The following LMTK3 variants were observed in gnomAD, a reference collection of about 807,000 sequenced individuals.
LMTK3 encodes lemur tail kinase 3.
In LMTK3, 27 loss-of-function variants were observed where a neutral mutation model predicts 116.7. The ratio of observed to expected loss-of-function variants is 0.23; its 90% CI spans 0.17 to 0.32. The LOEUF is 0.32. Ranked by LOEUF, LMTK3 falls within the 10% of genes least tolerant of loss-of-function variation. LMTK3 has a pLI of 1.00. For missense variants in LMTK3, 1,764 were observed against 2,068.5 expected (o/e 0.85, Z 2.86); for synonymous variants, 965 against 971.0 (o/e 0.99, Z 0.11).
chr19:48,499,266 C>T lies in LMTK3; in HGVS notation c.1803G>A (p.Ala601=). 7.1e-7 allele frequency: 1 copy of T among 1,398,642 alleles called. No individual in the cohort carries two copies. The allele number at this position is 1,398,642 out of a possible 1,614,324, so 86.6% of individuals were successfully genotyped here. A position where few individuals can be genotyped will look rare whatever the true frequency, so the allele number is the denominator to read the frequency against. The change falls in exon 11 of 15, where the codon GCG becomes GCA. Residue 601 remains alanine (A), a synonymous_variant. Coordinates refer to ENST00000600059, the MANE Select transcript of LMTK3 (RefSeq NM_001388485.1). ...APRPFPAQSS[A]SGSFLLSGWD... ...AGCCGCTCAGCAGGAAGCTGCCTGA[C>T]GCTGAGGACTGGGCTGGGAAGGGCC... is the stretch of plus-strand genomic sequence containing the variant.
intron 11 of LMTK3, among the ~76,000 whole-genome samples, chr19:48,496,473 A>AC (rs1230815555): frequency 1.3e-5 from 2 of 151,832 alleles, no homozygotes; most frequent in Non-Finnish European, 2.9e-5. Context: ...TAATTTTTGT[A>AC]TTTTTAATAG....
chr19:48,505,081 TTCTCTCTC>T (rs59270444), intron 5 of LMTK3, among the ~76,000 whole-genome samples: 5 of 135,686 alleles, frequency 3.7e-5, no homozygotes, highest in African/African-American at 1.0e-4. Flanking sequence ...CTCTGACAGT[TTCTCTCTC>T]TCTCTCTCTC....
intron 3 of LMTK3, among the ~76,000 whole-genome samples, chr19:48,509,791 G>A (rs971164576): frequency 2.0e-5 from 3 of 151,940 alleles, no homozygotes; most frequent in Admixed American, 6.6e-5. Context: ...TCTCACCACC[G>A]CTTGCCCCTT....
intron 14 of LMTK3, among the ~76,000 whole-genome samples, chr19:48,489,900 C>G (rs957737312): frequency 2.0e-5 from 3 of 152,228 alleles, no homozygotes; most frequent in Non-Finnish European, 4.4e-5. Flanking sequence ...GAGCTGGGCA[C>G]AAGCCCTGGG....
rs781301076 is a variant in LMTK3 at position 48,498,171 on chromosome 19, G to A, written c.2898C>T (p.Pro966=). The part of the protein sequence containing the change: ...EKVLENGELT[P]PRREEKALEN... ...CCAGCGCTTTCTCCTCCCTCCTTGG[G>A]GGTGTCAGCTCCCCATTCTCCAGCA... Residue 966 remains proline, a synonymous_variant, in exon 11 of 15, where the codon CCC becomes CCT. Transcript: ENST00000600059. 11 of 1,613,512 alleles carry A rather than the reference G, an allele frequency of 6.8e-6. No homozygotes were observed. The South Asian group carries it at 1.1e-4, about 16-fold the overall frequency.
intron 3 of LMTK3, 109 bp downstream of exon 3, chr19:48,509,914 C>T: frequency 8.0e-7 from 1 of 1,254,252 alleles, no homozygotes; most frequent in Non-Finnish European, 1.1e-6. Flanking sequence ...ATGCCTTTCC[C>T]ATTGGCTGCC....
intron 5 of LMTK3, among the ~76,000 whole-genome samples, chr19:48,503,614 C>G (rs1415743739): frequency 6.6e-6 from 1 of 152,104 alleles, no homozygotes; most frequent in African/African-American, 2.4e-5. Flanking sequence ...TTCCCTTTGC[C>G]TCACCTGCTT....
Position 48,497,878 on chromosome 19 carries a change from G to A in LMTK3, c.3191C>T (p.Ser1064Phe). 2.1e-6 allele frequency: 3 copies of A among 1,459,186 alleles called. No individual in the cohort carries two copies. The highest frequency in any genetic ancestry group is 2.5e-5 in the East Asian group (1 of 40,510). The allele number at this position is 1,459,186 out of a possible 1,614,324, so 90.4% of individuals were successfully genotyped here. The change falls in exon 11 of 15, where the codon TCC becomes TTC. Residue 1064 changes from serine to phenylalanine, a missense_variant. Around this residue, in one of 7 missense-constraint regions of LMTK3, gnomAD observed 1,028 missense variants for 1,050.6 expected, o/e 0.98. Coordinates refer to ENST00000600059, the MANE Select transcript of LMTK3 (RefSeq NM_001388485.1). The surrounding 1 kb of genome is among the most constrained non-coding windows in gnomAD (Gnocchi z 5.7). The stretch of plus-strand genomic sequence containing the variant: ...AGGGGCTGTCTCCCCGCCGTTCCGG[G>A]AGGAGACCACTGCGCTGGGTGCAGG... ...RAPAPSAVVS[S>F]RNGGETAPGP... is the part of the protein sequence containing the mutation.
Position 48,497,380 on chromosome 19 carries a change from G to T in LMTK3, c.3676+13C>A. 6.8e-7 allele frequency: 1 copy of T among 1,465,678 alleles called. No individual in the cohort carries two copies. Among genetic ancestry groups the T allele is most frequent in the South Asian group, 1.4e-5 (1 of 69,732 alleles). The allele number at this position is 1,465,678 out of a possible 1,614,324, so 90.8% of individuals were successfully genotyped here. A position where few individuals can be genotyped will look rare whatever the true frequency, so the allele number is the denominator to read the frequency against. On this transcript the variant is annotated intron_variant, in intron 11 of 14. Transcript: ENST00000600059. The surrounding 1 kb of genome is among the most constrained non-coding windows in gnomAD (Gnocchi z 5.7). Reference sequence around the variant, plus strand: ...CGGACCTCAGCCCTGACTGTGCCCCGCAGCCTCCTCACCTTTGATCTGCTC... The same window carrying T: ...CGGACCTCAGCCCTGACTGTGCCCCTCAGCCTCCTCACCTTTGATCTGCTC...
Position 48,499,425 on chromosome 19 carries a change from A to G in LMTK3, c.1644T>C (p.Pro548=). 1 of 1,458,978 alleles carries G rather than the reference A, an allele frequency of 6.9e-7. No homozygotes were observed. The highest frequency in any genetic ancestry group is 2.2e-4 in the Middle Eastern group (1 of 4,600). 90.4% of individuals were successfully genotyped at this position (1,458,978 alleles called of 1,614,324 possible). The part of the protein sequence containing the change: ...YYIRLEEHGS[P]PEPLFPNDWD... ...AGTCGTTGGGGAAGAGGGGCTCAGG[A>G]GGGGAGCCGTGCTCCTCCAAGCGGA... Residue 548 remains proline (P), a synonymous_variant, in exon 11 of 15, where the codon CCT becomes CCC. Transcript: ENST00000600059.
At chr19:48,496,243 A>G (rs1972320122) in intron 11 of LMTK3, among the ~76,000 whole-genome samples, 1 of 151,006 alleles carries the variant, frequency 6.6e-6, no homozygotes, top group Non-Finnish European at 1.5e-5. Flanking sequence ...CCAAGTAGCT[A>G]GGACTACAGG....
chr19:48,508,663 C>G (rs1972608533), intron 5 of LMTK3, among the ~76,000 whole-genome samples, 188 bp downstream of exon 5: 1 of 152,174 alleles, frequency 6.6e-6, no homozygotes, highest in South Asian at 2.1e-4. Flanking sequence ...CCTCCTCCAC[C>G]ATCCTGCCTC....
intron 5 of LMTK3, among the ~76,000 whole-genome samples, 194 bp downstream of exon 5, chr19:48,508,657 C>G (rs1242788157): frequency 1.3e-5 from 2 of 152,186 alleles, no homozygotes; most frequent in Non-Finnish European, 2.9e-5. Flanking sequence ...CTCCCGCCTC[C>G]TCCACCATCC....
In LMTK3 at chr19:48,499,907, G is replaced by T. The variant is rs1452433393; in HGVS notation, c.1162C>A (p.Leu388Ile). 1 of 1,591,800 alleles carries T rather than the reference G, an allele frequency of 6.3e-7. No individual in the cohort carries two copies. The highest frequency in any genetic ancestry group is 8.5e-7 in the Non-Finnish European group (1 of 1,170,884). Residue 388 changes from leucine (L) to isoleucine (I), a missense_variant, in exon 11 of 15, where the codon CTT becomes ATT. By Grantham distance (5) the Leu-to-Ile change is conservative. Transcript: ENST00000600059. Reference protein sequence around the residue: ...LPYADYWYDILQSCWRPPAQR... With the variant: ...LPYADYWYDIIQSCWRPPAQR... The stretch of plus-strand genomic sequence containing the variant: ...GCAGGTGGCCGCCAGCAGGACTGAA[G>T]AATGTCATACCTGGGGAGAGGTGGG...
intron 2 of LMTK3, 62 bp downstream of exon 2, chr19:48,510,397 G>T (rs778231470): frequency 2.2e-5 from 34 of 1,545,406 alleles, no homozygotes; most frequent in African/African-American, 2.8e-5. Flanking sequence ...AACCACCTGT[G>T]TAGGGGGTAA....
intron 14 of LMTK3, among the ~76,000 whole-genome samples, chr19:48,487,628 C>T (rs1021950687): frequency 3.3e-5 from 5 of 152,100 alleles, no homozygotes; most frequent in Admixed American, 6.6e-5. Flanking sequence ...CCAGGAACTC[C>T]GACCAAACTT....
rs1168179734 is a variant in LMTK3, at chr19:48,498,555, G to A, written c.2514C>T (p.Asp838=). The A allele has an allele frequency of 1.9e-6, 3 of 1,561,236 alleles. No homozygotes were observed. The highest frequency in any genetic ancestry group is 2.7e-5 in the African/African-American group (2 of 73,138). ...GCCCCGGGAGTGGGAGCGGACCCGG[G>A]TCTGGAGGTGGCCGGGGCGCTCCTG... ...PDPGAPRPPP[D]PGPLPLPGPR... Residue 838 remains aspartate, a synonymous_variant, in exon 11 of 15, where the codon GAC becomes GAT. Transcript: ENST00000600059.
intron 5 of LMTK3, among the ~76,000 whole-genome samples, chr19:48,503,542 TCA>T (rs1019146737): frequency 4.6e-5 from 7 of 151,950 alleles, no homozygotes; most frequent in Non-Finnish European, 8.8e-5. Flanking sequence ...CAGACTCTTC[TCA>T]GTCTTCTCCT....
Position 48,498,028 on chromosome 19 carries a change from T to C in LMTK3, c.3041A>G (p.Asn1014Ser). ...SENGGLRFPR[N>S]TERPPETGPW... ...CCCAGTCTCTGGTGGCCTCTCCGTG[T>C]TCCTGGGGAATCTCAGGCCCCCATT... Residue 1014 changes from asparagine (N) to serine (S), a missense_variant, in exon 11 of 15, where the codon AAC (asparagine) becomes AGC (serine). Coordinates refer to ENST00000600059, the MANE Select transcript of LMTK3 (RefSeq NM_001388485.1). 6.2e-7 allele frequency: 1 copy of C among 1,612,898 alleles called. No individual in the cohort carries two copies. Among genetic ancestry groups the C allele is most frequent in the African/African-American group, 1.3e-5 (1 of 75,008 alleles).
Sources: allele counts gnomAD v4.1 joint callset (sites outside exome capture counted in the v4.1 genomes callset), GRCh38; gene constraint gnomAD v4.1.1; regional missense constraint gnomAD v4.1.1; non-coding constraint Gnocchi (gnomAD v3.1); transcripts MANE v1.5; gene names NCBI Gene and HGNC (gene_info 2026-07-23, HGNC 2026-07-21).